The following RNF43 variants were observed in gnomAD, a reference collection of about 807,000 sequenced individuals.
The protein encoded by RNF43 is ring finger protein 43.
RNF43 carries 37 observed loss-of-function variants against 78.4 expected under a neutral mutation model. That is an observed-to-expected ratio of 0.47 (90% CI 0.36 to 0.62). RNF43 has a LOEUF of 0.62. Among genes scored for constraint, RNF43 ranks in the 20% least tolerant of loss-of-function variants. The pLI is 0.00. For synonymous variants in RNF43, 347 were observed against 395.0 expected, an observed-to-expected ratio of 0.88 and a Z score of 1.44; for missense variants, 774 against 1,007.9, an observed-to-expected ratio of 0.77 and a Z score of 3.14.
At chr17:58,367,945 C>A (rs1972991516) in intron 3 of RNF43, among the ~76,000 whole-genome samples, 1 of 152,164 alleles carries the variant, frequency 6.6e-6, no homozygotes, top group Non-Finnish European at 1.5e-5. Flanking sequence ...TGTACTGTCT[C>A]ATTAAATCCT....
chr17:58,402,360 C>T (rs181742872), intron 2 of RNF43, among the ~76,000 whole-genome samples: 23 of 152,352 alleles, frequency 1.5e-4, no homozygotes, highest in African/African-American at 5.3e-4. Flanking sequence ...TTCATAACCA[C>T]AGAACCAAGA....
In RNF43 at chr17:58,360,322, C is replaced by A; in HGVS notation, c.850-71G>T. 2 of 1,124,356 alleles carry A rather than the reference C, an allele frequency of 1.8e-6. No homozygotes were observed. The highest frequency in any genetic ancestry group is 2.4e-5 in the East Asian group (1 of 42,360). 69.6% of individuals were successfully genotyped at this position (1,124,356 alleles called of 1,614,324 possible). A position where few individuals can be genotyped will look rare whatever the true frequency, so the allele number is the denominator to read the frequency against. On this transcript the variant is annotated intron_variant, in intron 7 of 9. Transcript: ENST00000407977. This position sits in a 1 kb window ranked among gnomAD's most constrained non-coding sequence, Gnocchi z 4.3. ...GGAATTGCCAGGAATCAGGACATCC[C>A]CCAACTCCCTTAGGCCTCTCCTTGC...
At chr17:58,364,537 C>T (rs1972908529) in intron 3 of RNF43, among the ~76,000 whole-genome samples, 1 of 152,170 alleles carries the variant, frequency 6.6e-6, no homozygotes, top group Non-Finnish European at 1.5e-5. Context: ...GGAGGCACAA[C>T]AGCAAACAAC....
intron 2 of RNF43, among the ~76,000 whole-genome samples, chr17:58,406,210 G>A (rs1043288615): frequency 3.3e-5 from 5 of 152,190 alleles, no homozygotes; most frequent in African/African-American, 1.2e-4. Flanking sequence ...CCCTGCGGCA[G>A]TCTATATCTT....
intron 2 of RNF43, among the ~76,000 whole-genome samples, chr17:58,391,673 G>A (rs1973563126): frequency 6.6e-6 from 1 of 152,196 alleles, no homozygotes; most frequent in Admixed American, 6.5e-5. Flanking sequence ...TTGGCCAGGT[G>A]CCCGAAATTC....
In RNF43 at chr17:58,357,885, T is replaced by C; in HGVS notation, c.1891A>G (p.Ser631Gly). The change falls in exon 9 of 10, where the codon AGC becomes GGC. Residue 631 changes from serine to glycine, a missense_variant. By Grantham distance (56) the Ser-to-Gly change is moderately conservative. Coordinates refer to ENST00000407977, the MANE Select transcript of RNF43 (RefSeq NM_017763.6). The surrounding 1 kb of genome is among the most constrained non-coding windows in gnomAD (Gnocchi z 4.5). ...EPAPGPVDAS[S>G]ICPSTSSLFN... is the part of the protein sequence containing the mutation. ...AGACTGCTGGTACTGGGGCAGATGC[T>C]GGAGGCGTCAACTGGGCCAGGGGCT... 1 of 1,613,770 alleles carries C rather than the reference T, an allele frequency of 6.2e-7. No individual in the cohort carries two copies. Among genetic ancestry groups the C allele is most frequent in the South Asian group, 1.1e-5 (1 of 91,046 alleles).
At chr17:58,382,867 T>C (rs1973351264) in intron 2 of RNF43, among the ~76,000 whole-genome samples, 1 of 152,240 alleles carries the variant, frequency 6.6e-6, no homozygotes, top group South Asian at 2.1e-4. Context: ...TGTGGAATGA[T>C]GGACTAACTT....
chr17:58,374,448 A>G (rs955820225), intron 2 of RNF43, among the ~76,000 whole-genome samples: 1 of 147,566 alleles, frequency 6.8e-6, no homozygotes, highest in Non-Finnish European at 1.5e-5. Flanking sequence ...GCTGGAGTGC[A>G]GTGGTGCAAT....
At chr17:58,380,732 T>A (rs771903100) in intron 2 of RNF43, among the ~76,000 whole-genome samples, 12 of 152,218 alleles carry the variant, frequency 7.9e-5, no homozygotes, top group Non-Finnish European at 1.5e-4. Context: ...TACTTGAGCA[T>A]TGCTAAGTTT....
chr17:58,397,898 A>C (rs1248576754), intron 2 of RNF43, among the ~76,000 whole-genome samples: 1 of 152,206 alleles, frequency 6.6e-6, no homozygotes, highest in Non-Finnish European at 1.5e-5. Flanking sequence ...TGTAGCTTAA[A>C]AATGTATAGC....
chr17:58,361,044 C>T (rs1972825733), intron 6 of RNF43, 100 bp from the exon 7 acceptor site: 2 of 1,244,074 alleles, frequency 1.6e-6, no homozygotes, highest in Non-Finnish European at 2.2e-6. Context: ...AGGTAGATCA[C>T]ATGGCCAGTT....
intron 3 of RNF43, among the ~76,000 whole-genome samples, chr17:58,369,008 C>T (rs1421645209): frequency 6.6e-6 from 1 of 152,098 alleles, no homozygotes; most frequent in Non-Finnish European, 1.5e-5. Context: ...AGCCCCAGCC[C>T]AGCTCCCACC....
intron 2 of RNF43, among the ~76,000 whole-genome samples, chr17:58,407,356 A>G (rs1339542919): frequency 3.9e-5 from 6 of 152,148 alleles, no homozygotes; most frequent in African/African-American, 1.4e-4. Flanking sequence ...CTGGGATTAC[A>G]GGCGTGAGCC....
rs547354606 is a variant in RNF43 at position 58,378,653 on chromosome 17, G to C, written c.253-7620C>G. ...GTGGGGAGGGAGAAGCATAACCTCG[G>C]GCCATCTGATGGGAGTGCACACTAG... On this transcript the variant is annotated intron_variant, in intron 2 of 9. Transcript: ENST00000407977. 5.8e-4 allele frequency among the ~76,000 whole-genome samples: 88 copies of C among 152,232 alleles called. 1 individual carries two copies. Among genetic ancestry groups the C allele is most frequent in the Middle Eastern group, 6.8e-3 (2 of 294 alleles).
intron 2 of RNF43, among the ~76,000 whole-genome samples, chr17:58,382,646 T>C (rs891196669): frequency 2.0e-5 from 3 of 152,212 alleles, no homozygotes; most frequent in African/African-American, 7.2e-5. Context: ...TCAGTATCAG[T>C]GTACTGCTGA....
At chr17:58,366,114 G>C (rs1209953095) in intron 3 of RNF43, among the ~76,000 whole-genome samples, 1 of 152,178 alleles carries the variant, frequency 6.6e-6, no homozygotes, top group African/African-American at 2.4e-5. Context: ...TCATAATATA[G>C]TTGTGGAGAC....
chr17:58,407,991 C>T (rs1305669282), intron 2 of RNF43, among the ~76,000 whole-genome samples: 1 of 152,224 alleles, frequency 6.6e-6, no homozygotes, highest in Non-Finnish European at 1.5e-5. Context: ...AATTCATTTA[C>T]TACACATAAG....
chr17:58,361,035 G>C (rs919750852), intron 6 of RNF43, 91 bp from the exon 7 acceptor site: 19 of 1,318,160 alleles, frequency 1.4e-5, no homozygotes, highest in Non-Finnish European at 1.9e-5. Context: ...CAGTCACTCA[G>C]GTAGATCACA....
At chr17:58,356,065 A>G (rs1215885675) in intron 9 of RNF43, among the ~76,000 whole-genome samples, 1 of 152,238 alleles carries the variant, frequency 6.6e-6, no homozygotes, top group Non-Finnish European at 1.5e-5. Context: ...GCAGCACTCA[A>G]AGTACACACA....
Sources: gnomAD v4.1 joint callset for allele counts (sites outside exome capture counted in the v4.1 genomes callset) on GRCh38, gnomAD v4.1.1 for gene constraint, Gnocchi (gnomAD v3.1) non-coding constraint, MANE v1.5 for transcripts, NCBI Gene and HGNC (gene_info 2026-07-23, HGNC 2026-07-21) for gene names.